The following ANO3 variants were observed in gnomAD, a reference collection of about 807,000 sequenced individuals.
The protein encoded by ANO3 is anoctamin 3.
ANO3 carries 99 observed loss-of-function variants against 144.8 expected under a neutral mutation model. The observed-to-expected ratio is 0.68, with a 90% CI of 0.58 to 0.81. The LOEUF is 0.81. Ranked by LOEUF, ANO3 falls within the 30% of genes least tolerant of loss-of-function variation. The pLI, the probability that ANO3 is intolerant of heterozygous loss-of-function variation, is 0.00. For missense variants in ANO3, 905 were observed against 1,202.2 expected (o/e 0.75, Z 3.66); for synonymous variants, 414 against 392.6 (o/e 1.05, Z -0.64).
chr11:26,646,694 T>C (rs904291599), intron 23 of ANO3, among the ~76,000 whole-genome samples: 1 of 152,124 alleles, frequency 6.6e-6, no homozygotes, highest in Non-Finnish European at 1.5e-5. Flanking sequence ...CATTTTATTG[T>C]CTATTTTTCT....
At position 26,441,979 on chromosome 11, in the gene ANO3, C is replaced by T. The variant is rs768720409; in HGVS notation, c.108C>T (p.Ser36=). 1 of 1,614,024 alleles carries T rather than the reference C, an allele frequency of 6.2e-7. No homozygotes were observed. The highest frequency in any genetic ancestry group is 8.5e-7 in the Non-Finnish European group (1 of 1,179,976). Residue 36 remains serine, a synonymous_variant, in exon 2 of 27, where the codon TCC becomes TCT. Coordinates refer to ENST00000256737, the MANE Select transcript of ANO3 (RefSeq NM_031418.4). The part of the protein sequence containing the change: ...KETSLKPSRR[S]LPCLAQSYAY... ...CTTCGTTAAAACCGTCTCGGAGATC[C>T]CTGCCTTGCCTCGCCCAGAGCTACG...
intron 1 of ANO3, among the ~76,000 whole-genome samples, chr11:26,247,635 G>A (rs1157165641): frequency 1.3e-5 from 2 of 151,024 alleles, no homozygotes; most frequent in African/African-American, 2.4e-5. Context: ...TTCAATTACT[G>A]TCTCTGTCTG....
At chr11:26,220,500 T>C (rs765936595) in intron 1 of ANO3, among the ~76,000 whole-genome samples, 1 of 148,664 alleles carries the variant, frequency 6.7e-6, no homozygotes, top group Non-Finnish European at 1.5e-5. Flanking sequence ...GCTGGAGATG[T>C]TGGCAGTCAT....
chr11:26,531,394 T>C, intron 8 of ANO3, 58 bp downstream of exon 8: 2 of 1,538,870 alleles, frequency 1.3e-6, no homozygotes, highest in East Asian at 2.3e-5. Flanking sequence ...GGCTTGTTTA[T>C]AGAATAAAAA....
At chr11:26,597,215 C>A (rs1250774823) in intron 14 of ANO3, among the ~76,000 whole-genome samples, 1 of 152,110 alleles carries the variant, frequency 6.6e-6, no homozygotes, top group Non-Finnish European at 1.5e-5. Context: ...CAAGATGGGG[C>A]GGGCTGCTCC....
chr11:26,229,042 T>C (rs917703854), intron 1 of ANO3, among the ~76,000 whole-genome samples: 12 of 152,244 alleles, frequency 7.9e-5, no homozygotes, highest in Non-Finnish European at 1.3e-4. Context: ...AAAATGTTTA[T>C]GTTGTGCTAC....
In ANO3 at chr11:26,623,931, C is replaced by T. The variant is rs1416697926; in HGVS notation, c.1837-531C>T. Among the ~76,000 whole-genome samples, 9 of 152,038 alleles carry T rather than the reference C, an allele frequency of 5.9e-5. No individual in the cohort carries two copies. In the East Asian group the frequency reaches 1.4e-3, roughly 23 times the overall value. On this transcript the variant is annotated intron_variant, in intron 17 of 26. Coordinates refer to ENST00000256737, the MANE Select transcript of ANO3 (RefSeq NM_031418.4). ...CCTCCCGAGTAGCTGGGACTACAGG[C>T]GCCCGCCAACGTGCCCGGCTAATTT...
At chr11:26,441,606 G>A (rs908270078) in intron 1 of ANO3, among the ~76,000 whole-genome samples, 12 of 152,136 alleles carry the variant, frequency 7.9e-5, no homozygotes, top group African/African-American at 4.8e-5. Context: ...TTTATTCAAA[G>A]AGTATCCAAA....
intron 1 of ANO3, among the ~76,000 whole-genome samples, chr11:26,201,768 T>G (rs201489432): frequency 1.7e-4 from 26 of 151,974 alleles, no homozygotes; most frequent in Admixed American, 2.6e-4. Context: ...TTTTGTTTTT[T>G]TTTTTTTTTA....
At chr11:26,264,507 C>A (rs371612995) in intron 1 of ANO3, among the ~76,000 whole-genome samples, 10 of 152,130 alleles carry the variant, frequency 6.6e-5, no homozygotes, top group Non-Finnish European at 1.3e-4. Flanking sequence ...TATTTTGATA[C>A]TATTTGTGTG....
intron 14 of ANO3, among the ~76,000 whole-genome samples, chr11:26,592,306 G>A (rs192306973): frequency 4.9e-4 from 75 of 151,994 alleles, no homozygotes; most frequent in African/African-American, 1.6e-3. Context: ...TCATTTTCTC[G>A]GCTTTTCCTG....
intron 14 of ANO3, among the ~76,000 whole-genome samples, chr11:26,575,734 A>T (rs549166793): frequency 1.3e-5 from 2 of 152,316 alleles, no homozygotes; most frequent in South Asian, 4.1e-4. Flanking sequence ...TATTAAATTC[A>T]GAGTAGTAAA....
chr11:26,215,377 T>G (rs1458952948), intron 1 of ANO3, among the ~76,000 whole-genome samples: 1 of 152,052 alleles, frequency 6.6e-6, no homozygotes, highest in Non-Finnish European at 1.5e-5. Context: ...GTTGCTCCAA[T>G]TGTTCCAGCT....
At chr11:26,362,755 AT>A (rs919889962) in intron 1 of ANO3, among the ~76,000 whole-genome samples, 3 of 152,112 alleles carry the variant, frequency 2.0e-5, no homozygotes, top group African/African-American at 7.2e-5. Context: ...GTTAGTTGCT[AT>A]TTTTTTAATT....
intron 1 of ANO3, among the ~76,000 whole-genome samples, chr11:26,289,563 TACATATAC>T (rs1853891657): frequency 1.7e-5 from 2 of 114,398 alleles, no homozygotes; most frequent in South Asian, 4.7e-4. Flanking sequence ...TGTGTATATG[TACATATAC>T]ACATATATCC....
At chr11:26,426,612 C>T (rs1181447868) in intron 1 of ANO3, among the ~76,000 whole-genome samples, 4 of 152,132 alleles carry the variant, frequency 2.6e-5, no homozygotes, top group Non-Finnish European at 4.4e-5. Context: ...GCCCATACTT[C>T]GTATTATTTT....
At chr11:26,571,001 T>C (rs1304574986) in intron 14 of ANO3, among the ~76,000 whole-genome samples, 2 of 152,032 alleles carry the variant, frequency 1.3e-5, no homozygotes, top group Admixed American at 6.6e-5. Flanking sequence ...AAGAAAAGAC[T>C]GGCTTTCTTT....
At position 26,634,183 on chromosome 11, in the gene ANO3, T is replaced by A. The variant is rs150006433; in HGVS notation, c.1874-21T>A. 2.3e-4 allele frequency: 350 copies of A among 1,554,666 alleles called. No individual in the cohort carries two copies. In the East Asian group the frequency reaches 6.5e-3, roughly 29 times the overall value. ...ATTCACCTCACCTCACCTGTGTCAA[T>A]GCAACCTGTGTTCCTTTTAGAATAT... is the stretch of plus-strand genomic sequence containing the variant. On this transcript the variant is annotated intron_variant, in intron 18 of 26. Coordinates refer to ENST00000256737, the MANE Select transcript of ANO3 (RefSeq NM_031418.4).
intron 13 of ANO3, among the ~76,000 whole-genome samples, chr11:26,557,636 A>G (rs961333744): frequency 5.3e-5 from 8 of 152,126 alleles, no homozygotes; most frequent in Non-Finnish European, 1.2e-4. Flanking sequence ...TTTTCTCAAT[A>G]TTTCATCTGG....
Sources: gnomAD v4.1 joint callset for allele counts (sites outside exome capture counted in the v4.1 genomes callset) on GRCh38, gnomAD v4.1.1 for gene constraint, MANE v1.5 for transcripts, NCBI Gene and HGNC (gene_info 2026-07-23, HGNC 2026-07-21) for gene names.